The following NSMAF variants were observed in gnomAD, a reference collection of about 807,000 sequenced individuals.
The protein encoded by NSMAF is protein FAN.
A neutral mutation model predicts 134.9 loss-of-function variants in NSMAF; 90 were observed. The observed-to-expected ratio is 0.67, with a 90% confidence interval of 0.56 to 0.79. The LOEUF (loss-of-function observed/expected upper bound fraction) is 0.79, where lower values mean the gene tolerates loss of function less well. NSMAF is among the 30% of genes least tolerant of loss of function. The pLI is 0.00. For missense variants in NSMAF, 1,010 were observed against 1,119.0 expected, an observed-to-expected ratio of 0.90 and a Z score of 1.39; for synonymous variants, 358 against 389.6, an observed-to-expected ratio of 0.92 and a Z score of 0.96.
intron 23 of NSMAF, among the ~76,000 whole-genome samples, chr8:58,593,354 A>G (rs772386906): frequency 7.2e-5 from 11 of 152,238 alleles, no homozygotes; most frequent in Admixed American, 3.3e-4. Flanking sequence ...AATGCTACAG[A>G]TCATAAACAA....
chr8:58,623,593 A>T (rs763035167), intron 7 of NSMAF, 116 bp downstream of exon 7: 1 of 1,076,336 alleles, frequency 9.3e-7, no homozygotes, highest in Non-Finnish European at 1.4e-6. Context: ...TTTTAAGTCA[A>T]TCTGCTACAT....
chr8:58,633,657 A>G (rs186372008), intron 5 of NSMAF, among the ~76,000 whole-genome samples: 1 of 152,334 alleles, frequency 6.6e-6, no homozygotes, highest in East Asian at 1.9e-4. Context: ...CCATGAGTCG[A>G]ATCTGTTATT....
chr8:58,659,133 G>A, intron 1 of NSMAF: 2 of 1,278,204 alleles, frequency 1.6e-6, no homozygotes, highest in Non-Finnish European at 2.0e-6. Context: ...CCGGCGCCGA[G>A]TGCCTGGACC....
At chr8:58,651,966 T>C (rs1807594623) in intron 1 of NSMAF, among the ~76,000 whole-genome samples, 1 of 152,142 alleles carries the variant, frequency 6.6e-6, no homozygotes, top group Non-Finnish European at 1.5e-5. Flanking sequence ...CCTGAATCAG[T>C]CTAAACTTCA....
intron 1 of NSMAF, among the ~76,000 whole-genome samples, chr8:58,649,063 G>C (rs1388755461): frequency 2.0e-5 from 3 of 152,218 alleles, no homozygotes; most frequent in Non-Finnish European, 4.4e-5. Context: ...ACTCCAACCT[G>C]TGAAAGCAGC....
intron 9 of NSMAF, among the ~76,000 whole-genome samples, chr8:58,610,521 T>C (rs1215498342): frequency 6.6e-6 from 1 of 152,222 alleles, no homozygotes; most frequent in Non-Finnish European, 1.5e-5. Context: ...ATGAGCTGGA[T>C]ATACTGAACA....
At chr8:58,607,725 A>G (rs751715819) in intron 11 of NSMAF, 44 bp downstream of exon 11, 1 of 1,473,426 alleles carries the variant, frequency 6.8e-7, no homozygotes, top group Non-Finnish European at 9.5e-7. Context: ...GGCTAAACTG[A>G]AAGTGTGACA....
intron 2 of NSMAF, among the ~76,000 whole-genome samples, chr8:58,638,722 T>C (rs1807260088): frequency 6.6e-6 from 1 of 152,214 alleles, no homozygotes; most frequent in African/African-American, 2.4e-5. Flanking sequence ...CTGGGCAGTA[T>C]TTTGGATGAC....
intron 1 of NSMAF, among the ~76,000 whole-genome samples, chr8:58,647,359 A>G (rs77564282): frequency 0.027 from 4,131 of 152,360 alleles, 206 homozygotes; most frequent in African/African-American, 0.093. Context: ...AATAAAGAAG[A>G]AATTAAGAAA....
intron 9 of NSMAF, among the ~76,000 whole-genome samples, chr8:58,615,698 T>C (rs1806639705): frequency 6.6e-6 from 1 of 152,200 alleles, no homozygotes; most frequent in Admixed American, 6.5e-5. Flanking sequence ...GAGAAAATTA[T>C]AAGTTTAAGT....
In NSMAF at chr8:58,599,881, C is replaced by A; in HGVS notation, c.1333-11G>T. 1.2e-6 allele frequency: 2 copies of A among 1,611,920 alleles called. No homozygotes were observed. Among genetic ancestry groups the A allele is most frequent in the Non-Finnish European group, 1.7e-6 (2 of 1,179,430 alleles). ...GAATTCTGGAATTAACTGAAAGTTT[C>A]GGGGAAAAATAAAAAAGAACAACAA... On this transcript the variant is annotated splice_polypyrimidine_tract_variant and intron_variant, in intron 17 of 30. Coordinates refer to ENST00000038176, the MANE Select transcript of NSMAF (RefSeq NM_003580.4).
intron 21 of NSMAF, among the ~76,000 whole-genome samples, chr8:58,596,823 G>A (rs1806145676): frequency 6.6e-6 from 1 of 152,012 alleles, no homozygotes; most frequent in Non-Finnish European, 1.5e-5. Context: ...AGCTACTCAG[G>A]AGGCTGAGGC....
chr8:58,623,127 C>G, intron 9 of NSMAF, 93 bp downstream of exon 9: 1 of 969,460 alleles, frequency 1.0e-6, no homozygotes, highest in East Asian at 2.4e-5. Context: ...TGGGTGAGAC[C>G]AATGATGACA....
At chr8:58,611,089 G>A (rs1429881864) in intron 9 of NSMAF, among the ~76,000 whole-genome samples, 1 of 151,974 alleles carries the variant, frequency 6.6e-6, no homozygotes, top group African/African-American at 2.4e-5. Flanking sequence ...TTAACAAACT[G>A]CTCAATAAAA....
chr8:58,599,635 C>CT, intron 18 of NSMAF, 115 bp downstream of exon 18: 1 of 1,212,606 alleles, frequency 8.2e-7, no homozygotes, highest in Admixed American at 2.3e-5. Flanking sequence ...CTCATATATC[C>CT]TTATTTAGAG....
intron 30 of NSMAF, among the ~76,000 whole-genome samples, chr8:58,584,835 C>T (rs899392247): frequency 7.9e-5 from 12 of 152,110 alleles, no homozygotes; most frequent in Admixed American, 2.6e-4. Context: ...GATGAGGTTT[C>T]GCTATGTTGC....
At chr8:58,610,430 A>G (rs1448042832) in intron 9 of NSMAF, among the ~76,000 whole-genome samples, 2 of 152,202 alleles carry the variant, frequency 1.3e-5, no homozygotes, top group Admixed American at 6.5e-5. Flanking sequence ...CAGGACAAAA[A>G]GATACAGAGG....
At chr8:58,601,125 A>T in intron 16 of NSMAF, 160 bp downstream of exon 16, 1 of 629,446 alleles carries the variant, frequency 1.6e-6, no homozygotes, top group South Asian at 2.0e-5. Flanking sequence ...TTACACACAC[A>T]TATACATGTC....
chr8:58,624,600 T>C (rs192856812), intron 6 of NSMAF, among the ~76,000 whole-genome samples: 71 of 152,332 alleles, frequency 4.7e-4, no homozygotes, highest in Admixed American at 3.3e-3. Context: ...TCCATTATGA[T>C]TGGAAAAATA....
Sources: allele counts gnomAD v4.1 joint callset (sites outside exome capture counted in the v4.1 genomes callset), GRCh38; gene constraint gnomAD v4.1.1; transcripts MANE v1.5; gene names NCBI Gene and HGNC (gene_info 2026-07-23, HGNC 2026-07-21).